The following MVK variants were observed in gnomAD, a reference collection of about 807,000 sequenced individuals.
The protein encoded by MVK is LH receptor mRNA-binding protein.
A neutral mutation model predicts 43.2 loss-of-function variants in MVK; 34 were observed. The observed-to-expected ratio is 0.79, with a 90% confidence interval of 0.60 to 1.05. The LOEUF is 1.05. Ranked by LOEUF, MVK falls within the 50% of genes least tolerant of loss-of-function variation. The pLI, the probability that MVK is intolerant of heterozygous loss-of-function variation, is 0.00. For missense variants in MVK, 395 were observed against 504.0 expected, an observed-to-expected ratio of 0.78 and a Z score of 2.07; for synonymous variants, 190 against 219.8, an observed-to-expected ratio of 0.86 and a Z score of 1.20.
Position 109,583,367 on chromosome 12 carries a change from C to T in MVK, c.527+1817C>T, listed in dbSNP as rs868197751. Among the ~76,000 whole-genome samples the T allele has an allele frequency of 2.6e-4, 39 of 151,892 alleles. No homozygotes were observed. The Middle Eastern group carries it at 0.01, about 40-fold the overall frequency. ...TGCGGTGTTTGGTTTTTTGTTCTTG[C>T]GATAGTTTACTGAGAATGATGATTT... On this transcript the variant is annotated intron_variant, in intron 5 of 10. Coordinates refer to ENST00000228510, the MANE Select transcript of MVK (RefSeq NM_000431.4).
Position 109,591,349 on chromosome 12 carries a change from G to T in MVK, c.877G>T (p.Val293Leu). The change falls in exon 9 of 11, where the codon GTG becomes TTG. Residue 293 changes from valine (V) to leucine (L), a missense_variant. Transcript: ENST00000228510. ...AGCCCCAGCCCCGGAGCAGTACCTC[G>T]TGCTGGAAGTAAGAGCCTGTCTGCA... is the stretch of plus-strand genomic sequence containing the variant. ...GEAPAPEQYL[V>L]LEELIDMNQH... 1.2e-6 allele frequency: 2 copies of T among 1,614,084 alleles called. No individual in the cohort carries two copies. The highest frequency in any genetic ancestry group is 2.2e-5 in the East Asian group (1 of 44,882).
In MVK at chr12:109,579,900, G is replaced by C. The variant is rs757008752; in HGVS notation, c.325G>C (p.Val109Leu). The C allele has an allele frequency of 4.3e-6, 7 of 1,614,252 alleles. No individual in the cohort carries two copies. In the East Asian group the frequency reaches 1.6e-4, roughly 36 times the overall value. ...DDCAVTERLA[V>L]LAFLYLYLSI... ...CTGTGCTGTCACCGAGCGCCTGGCT[G>C]TGCTGGCCTTTCTTTACTTATACCT... is the stretch of plus-strand genomic sequence containing the variant. Residue 109 changes from valine (V) to leucine (L), a missense_variant, in exon 4 of 11, where the codon GTG becomes CTG. Val to Leu is a conservative substitution (Grantham distance 32). Coordinates refer to ENST00000228510, the MANE Select transcript of MVK (RefSeq NM_000431.4).
rs781108404 is a variant in MVK at position 109,581,441 on chromosome 12, G to T, written c.418G>T (p.Gly140Trp). Residue 140 changes from glycine (G) to tryptophan (W), a missense_variant, in exon 5 of 11, where the codon GGG (glycine) becomes TGG (tryptophan). Coordinates refer to ENST00000228510, the MANE Select transcript of MVK (RefSeq NM_000431.4). ...DIVVWSELPP[G>W]AGLGSSAAYS... ...CGTAGTGTGGTCGGAGCTGCCCCCC[G>T]GGGCGGGCTTGGGCTCCAGCGCCGC... The T allele has an allele frequency of 6.2e-7, 1 of 1,614,096 alleles. No homozygotes were observed. Among genetic ancestry groups the T allele is most frequent in the Non-Finnish European group, 8.5e-7 (1 of 1,180,006 alleles).
At chr12:109,590,527 C>T in intron 7 of MVK, 1 of 566,126 alleles carries the variant, frequency 1.8e-6, no homozygotes, top group Non-Finnish European at 3.2e-6. Context: ...TTGTAGGTCC[C>T]AGTTGAAGTT....
intron 2 of MVK, 131 bp from the exon 3 acceptor site, chr12:109,575,867 A>T: frequency 9.3e-7 from 1 of 1,074,428 alleles, no homozygotes; most frequent in Non-Finnish European, 1.4e-6. Flanking sequence ...GCCAAGGTTG[A>T]TTAGCAGTGT....
At chr12:109,580,094 A>G in intron 4 of MVK, 148 bp downstream of exon 4, 1 of 1,204,794 alleles carries the variant, frequency 8.3e-7, no homozygotes, top group Non-Finnish European at 1.2e-6. Flanking sequence ...GCACCCTGCC[A>G]GGCACGGTAT....
chr12:109,584,749 G>A (rs1157053587), intron 5 of MVK, among the ~76,000 whole-genome samples: 1 of 152,178 alleles, frequency 6.6e-6, no homozygotes, highest in Non-Finnish European at 1.5e-5. Context: ...GCCAGGCGTG[G>A]TGGCAGGCGC....
At position 109,581,420 on chromosome 12, in the gene MVK, G is replaced by C; in HGVS notation, c.397G>C (p.Val133Leu). Residue 133 changes from valine to leucine, a missense_variant, in exon 5 of 11, where the codon GTG becomes CTG. Val to Leu is a conservative substitution (Grantham distance 32, BLOSUM62 1). Coordinates refer to ENST00000228510, the MANE Select transcript of MVK (RefSeq NM_000431.4). Reference protein sequence around the residue: ...QRALPSLDIVVWSELPPGAGL... With the variant: ...QRALPSLDIVLWSELPPGAGL... Reference sequence around the variant, plus strand: ...GGCCCTGCCGAGCCTGGATATCGTAGTGTGGTCGGAGCTGCCCCCCGGGGC... The same window carrying C: ...GGCCCTGCCGAGCCTGGATATCGTACTGTGGTCGGAGCTGCCCCCCGGGGC... 6.2e-7 allele frequency: 1 copy of C among 1,614,128 alleles called. No individual in the cohort carries two copies. The highest frequency in any genetic ancestry group is 8.5e-7 in the Non-Finnish European group (1 of 1,180,024).
rs1366137812 is a variant in MVK, at chr12:109,597,824, A to T, written c.*1247A>T. ...CGAGTGGAAAGGTGGGGGCCGGCGC[A>T]GGGATTTCAGGATGAGGTGAAAGCG... On this transcript the variant is annotated 3_prime_UTR_variant, in exon 11 of 11. Coordinates refer to ENST00000228510, the MANE Select transcript of MVK (RefSeq NM_000431.4). The T allele has an allele frequency of 1.3e-5, 2 of 152,242 alleles. No individual in the cohort carries two copies. The highest frequency in any genetic ancestry group is 4.8e-5 in the African/African-American group (2 of 41,446). The allele number at this position is 152,242 out of a possible 1,614,324, so 9.4% of individuals were successfully genotyped here.
At chr12:109,577,014 AT>A (rs1265176546) in intron 3 of MVK, among the ~76,000 whole-genome samples, 1 of 152,196 alleles carries the variant, frequency 6.6e-6, no homozygotes, top group Non-Finnish European at 1.5e-5. Flanking sequence ...GACTCTAAGC[AT>A]TTAGGCATTA....
At position 109,595,135 on chromosome 12, in the gene MVK, G is replaced by C; in HGVS notation, c.993G>C (p.Leu331=). The C allele has an allele frequency of 1.9e-6, 3 of 1,614,192 alleles. No individual in the cohort carries two copies. Among genetic ancestry groups the C allele is most frequent in the Non-Finnish European group, 2.5e-6 (3 of 1,180,032 alleles). Residue 331 remains leucine, a synonymous_variant, in exon 10 of 11, where the codon CTG becomes CTC. Coordinates refer to ENST00000228510, the MANE Select transcript of MVK (RefSeq NM_000431.4). This position sits in a 1 kb window ranked among gnomAD's most constrained non-coding sequence, Gnocchi z 5.9. ...VTRARGLHSK[L]TGAGGGGCGI... is the part of the protein sequence containing the mutation. ...GGGCCCGCGGACTTCACAGCAAGCTGACTGGCGCAGGCGGTGGTGGCTGTG... is the reference window on the plus strand; with the variant it reads ...GGGCCCGCGGACTTCACAGCAAGCTCACTGGCGCAGGCGGTGGTGGCTGTG...
upstream of MVK, chr12:109,573,365 C>T (rs1466525448): frequency 5.6e-6 from 9 of 1,613,048 alleles, no homozygotes; most frequent in African/African-American, 1.3e-5. Context: ...GTCTTCCACG[C>T]CCTGAGGGCC....
chr12:109,575,031 G>A, intron 2 of MVK, 131 bp downstream of exon 2: 1 of 892,880 alleles, frequency 1.1e-6, no homozygotes, highest in Non-Finnish European at 1.8e-6. Flanking sequence ...CCCCAGCCAG[G>A]CAAGGAAAAG....
chr12:109,595,069 C>T lies in MVK; in HGVS notation c.927C>T (p.Gly309=), dbSNP rs762580578. 3.0e-5 allele frequency: 49 copies of T among 1,614,082 alleles called. No homozygotes were observed. Among genetic ancestry groups the T allele is most frequent in the Non-Finnish European group, 3.7e-5 (44 of 1,180,044 alleles). The change falls in exon 10 of 11, where the codon GGC becomes GGT. Residue 309 remains glycine (G), a synonymous_variant. Transcript: ENST00000228510. This position sits in a 1 kb window ranked among gnomAD's most constrained non-coding sequence, Gnocchi z 5.9. Reference sequence around the variant, plus strand: ...ACCAGCACCATCTGAATGCCCTCGGCGTGGGCCACGCCTCTCTGGACCAGC... The same window carrying T: ...ACCAGCACCATCTGAATGCCCTCGGTGTGGGCCACGCCTCTCTGGACCAGC... ...DMNQHHLNAL[G]VGHASLDQLC...
intron 3 of MVK, 149 bp from the exon 4 acceptor site, chr12:109,579,653 G>A: frequency 1.8e-6 from 2 of 1,114,528 alleles, no homozygotes; most frequent in Non-Finnish European, 2.7e-6. Flanking sequence ...TAAAGCCAAT[G>A]AACAGACTTG....
intron 9 of MVK, among the ~76,000 whole-genome samples, chr12:109,593,924 G>T (rs1173220988): frequency 6.6e-6 from 1 of 151,694 alleles, no homozygotes; most frequent in Non-Finnish European, 1.5e-5. Flanking sequence ...CGCCATGTTG[G>T]CCAGGCTGGT....
At chr12:109,592,870 A>G (rs192807030) in intron 9 of MVK, among the ~76,000 whole-genome samples, 5 of 152,266 alleles carry the variant, frequency 3.3e-5, no homozygotes, top group African/African-American at 1.2e-4. Flanking sequence ...TTCCTTCCAC[A>G]TAGAAAGGAG....
chr12:109,575,770 C>T (rs1884921938), intron 2 of MVK, among the ~76,000 whole-genome samples: 2 of 152,060 alleles, frequency 1.3e-5, no homozygotes, highest in Admixed American at 6.5e-5. Context: ...TATTGAGAAC[C>T]TCTGAAATTT....
Position 109,595,241 on chromosome 12 carries a change from G to A in MVK, c.1039+60G>A. 6.2e-7 allele frequency: 1 copy of A among 1,602,844 alleles called. No homozygotes were observed. The highest frequency in any genetic ancestry group is 8.5e-7 in the Non-Finnish European group (1 of 1,176,020). On this transcript the variant is annotated intron_variant, in intron 10 of 10. Coordinates refer to ENST00000228510, the MANE Select transcript of MVK (RefSeq NM_000431.4). This position sits in a 1 kb window ranked among gnomAD's most constrained non-coding sequence, Gnocchi z 5.9. ...TGGGCTCCTAAGAGGGGTCCACCTG[G>A]AGAATTCCCTTGAAAGGAAAAAGAG...
Sources: allele counts gnomAD v4.1 joint callset (sites outside exome capture counted in the v4.1 genomes callset), GRCh38; gene constraint gnomAD v4.1.1; non-coding constraint Gnocchi (gnomAD v3.1); transcripts MANE v1.5; gene names NCBI Gene and HGNC (gene_info 2026-07-23, HGNC 2026-07-21).